ARMC9: variants seen among roughly 807,000 people sequenced by gnomAD.
ARMC9 encodes armadillo repeat containing 9, also known as lisH domain-containing protein ARMC9.
A neutral mutation model predicts 107.0 loss-of-function variants in ARMC9; 94 were observed. The ratio of observed to expected loss-of-function variants is 0.88; its 90% CI spans 0.74 to 1.04. The LOEUF is 1.04. ARMC9 is among the 50% of genes least tolerant of loss of function. The pLI is 0.00. For missense variants in ARMC9, 942 were observed against 1,030.1 expected (o/e 0.91, Z 1.17); for synonymous variants, 380 against 396.9 (o/e 0.96, Z 0.51).
At chr2:231,280,726 A>G (rs549467124) in intron 16 of ARMC9, among the ~76,000 whole-genome samples, 2 of 152,332 alleles carry the variant, frequency 1.3e-5, no homozygotes, top group African/African-American at 2.4e-5. Flanking sequence ...GTTGCATCAC[A>G]TGTGACAAAA....
At chr2:231,283,065 G>C (rs139382326) in intron 17 of ARMC9, among the ~76,000 whole-genome samples, 153 of 152,272 alleles carry the variant, frequency 1.0e-3, no homozygotes, top group African/African-American at 2.9e-3. Flanking sequence ...AGGGATGGAG[G>C]GGGTGGGGAG....
intron 8 of ARMC9, among the ~76,000 whole-genome samples, chr2:231,239,294 G>A (rs2036063599): frequency 1.3e-5 from 2 of 152,176 alleles, no homozygotes; most frequent in Non-Finnish European, 2.9e-5. Context: ...TCTCGTAGCT[G>A]GTGAGAGAGG....
At chr2:231,303,976 A>T (rs2125499178) in intron 19 of ARMC9, among the ~76,000 whole-genome samples, 1 of 151,788 alleles carries the variant, frequency 6.6e-6, no homozygotes, top group East Asian at 2.0e-4. Flanking sequence ...TCACGCCTGT[A>T]ATCTCAGCAC....
rs115969543 is a variant in ARMC9, at chr2:231,282,049, C to T, written c.1552-10C>T. On this transcript the variant is annotated splice_polypyrimidine_tract_variant and intron_variant, in intron 16 of 24. Transcript: ENST00000611582. ...CTTGCAAATAACTGGTTTTTTTCCT[C>T]CCCTTAAAGATACAGCCGTATGTGA... is the stretch of plus-strand genomic sequence containing the variant. The T allele has an allele frequency of 2.4e-3, 3,927 of 1,613,584 alleles. 10 individuals carry two copies. Among genetic ancestry groups the T allele is most frequent in the Non-Finnish European group, 2.9e-3 (3,432 of 1,179,636 alleles).
intron 9 of ARMC9, 128 bp from the exon 10 acceptor site, chr2:231,256,458 C>CA (rs2037825141): frequency 1.7e-6 from 2 of 1,210,612 alleles, no homozygotes; most frequent in South Asian, 1.4e-5. Flanking sequence ...AAAAAAAAAA[C>CA]CAAAAAAAAA....
At chr2:231,269,377 TAGG>T in intron 12 of ARMC9, among the ~76,000 whole-genome samples, 2 of 151,422 alleles carry the variant, frequency 1.3e-5, no homozygotes, top group Admixed American at 1.3e-4. Flanking sequence ...TTCCACTCTT[TAGG>T]AGATTTCTTT....
intron 19 of ARMC9, among the ~76,000 whole-genome samples, chr2:231,324,452 A>AT (rs1480533344): frequency 1.4e-3 from 193 of 142,684 alleles, no homozygotes; most frequent in African/African-American, 5.0e-3. Context: ...CTTTGTTTTA[A>AT]TTAAAAAAAA....
At chr2:231,326,970 C>T (rs1172151558) in intron 19 of ARMC9, among the ~76,000 whole-genome samples, 3 of 152,134 alleles carry the variant, frequency 2.0e-5, no homozygotes, top group African/African-American at 7.2e-5. Context: ...GAGATGATGG[C>T]CTGCCCTCCC....
intron 15 of ARMC9, among the ~76,000 whole-genome samples, chr2:231,277,111 C>T (rs555124570): frequency 6.6e-6 from 1 of 152,248 alleles, no homozygotes; most frequent in Non-Finnish European, 1.5e-5. Flanking sequence ...TCCCAAGATA[C>T]TATAGGATTA....
chr2:231,221,637 TG>T lies in ARMC9; in HGVS notation c.505-1089del, dbSNP rs1351657672. 4.0e-5 allele frequency among the ~76,000 whole-genome samples: 6 copies of T among 149,856 alleles called. No homozygotes were observed. In the East Asian group the frequency reaches 1.2e-3, roughly 29 times the overall value. On this transcript the variant is annotated intron_variant, in intron 5 of 24. Coordinates refer to ENST00000611582, the MANE Select transcript of ARMC9 (RefSeq NM_001352754.2). ...TGAGGTCAGGAGTTCGAGACCAGCC[TG>T]GCCAACATGGTGAAACCCCGTCTCT...
Position 231,302,437 on chromosome 2 carries a change from GTTTTTTTT to G in ARMC9, c.1773+6202_1773+6209del, listed in dbSNP as rs56032700. Among the ~76,000 whole-genome samples, 15 of 58,102 alleles carry G rather than the reference GTTTTTTTT, an allele frequency of 2.6e-4. 1 individual carries two copies. The East Asian group carries it at 7.8e-3, about 30-fold the overall frequency. The allele number at this position is 58,102 out of a possible 152,430, so 38.1% of individuals were successfully genotyped here. A position where few individuals can be genotyped will look rare whatever the true frequency, so the allele number is the denominator to read the frequency against. On this transcript the variant is annotated intron_variant, in intron 19 of 24. Transcript: ENST00000611582. ...TGAAAAAGTGTAGCATTGTGGGTTTGTTTTTTTTTTTTTTTTTTTTTTTTTGCCAATCT... is the reference window on the plus strand; with the variant it reads ...TGAAAAAGTGTAGCATTGTGGGTTTGTTTTTTTTTTTTTTTTTGCCAATCT...
intron 6 of ARMC9, 33 bp downstream of exon 6, chr2:231,222,853 G>T: frequency 7.1e-7 from 1 of 1,410,070 alleles, no homozygotes; most frequent in Non-Finnish European, 9.9e-7. Context: ...GACCACCTAT[G>T]GTTTTAGAGC....
chr2:231,351,204 C>T lies in ARMC9; in HGVS notation c.1995-4594C>T, dbSNP rs1404492390. Among the ~76,000 whole-genome samples, 4 of 149,894 alleles carry T rather than the reference C, an allele frequency of 2.7e-5. No homozygotes were observed. The East Asian group carries it at 5.9e-4, about 22-fold the overall frequency. On this transcript the variant is annotated intron_variant, in intron 21 of 24. Transcript: ENST00000611582. ...TCCTGACCTCGTGATCCGCCTGTCT[C>T]GGCCTCCCAAAGTGCTGGGATTACA...
intron 19 of ARMC9, among the ~76,000 whole-genome samples, chr2:231,300,714 CCA>C (rs765286349): frequency 6.6e-6 from 1 of 152,200 alleles, no homozygotes; most frequent in Non-Finnish European, 1.5e-5. Context: ...ATGCTCCTAA[CCA>C]CTGCCCTATA....
At position 231,345,015 on chromosome 2, in the gene ARMC9, C is replaced by G. The variant is rs2044733954; in HGVS notation, c.1919C>G (p.Ala640Gly). ...GGGAAGACAAGGCGGAAGGGGCTGG[C>G]TAATGTGCAGTGGAGCGGGGATGAG... is the stretch of plus-strand genomic sequence containing the variant. ...NTGKTRRKGL[A>G]NVQWSGDEPL... Residue 640 changes from alanine (A) to glycine (G), a missense_variant, in exon 21 of 25, where the codon GCT becomes GGT. Physicochemically the swap from Ala to Gly is moderately conservative, Grantham distance 60. Coordinates refer to ENST00000611582, the MANE Select transcript of ARMC9 (RefSeq NM_001352754.2). 6.2e-7 allele frequency: 1 copy of G among 1,613,960 alleles called. No homozygotes were observed. The highest frequency in any genetic ancestry group is 1.1e-5 in the South Asian group (1 of 91,064).
At position 231,239,208 on chromosome 2, in the gene ARMC9, A is replaced by G. The variant is rs114407342; in HGVS notation, c.781-735A>G. ...TACTTGTACATTGAAATGAGCATAC[A>G]TTATTTTTTTAAAAAGAAAATAGAT... On this transcript the variant is annotated intron_variant, in intron 8 of 24. Coordinates refer to ENST00000611582, the MANE Select transcript of ARMC9 (RefSeq NM_001352754.2). Among the ~76,000 whole-genome samples the G allele has an allele frequency of 9.2e-3, 1,395 of 152,250 alleles. 18 individuals are homozygous for G. The highest frequency in any genetic ancestry group is 0.032 in the African/African-American group (1,345 of 41,550).
intron 4 of ARMC9, among the ~76,000 whole-genome samples, chr2:231,215,918 G>T (rs1362687859): frequency 6.6e-6 from 1 of 152,150 alleles, no homozygotes; most frequent in African/African-American, 2.4e-5. Context: ...GTCAAAAGAG[G>T]GCTCATGGTA....
chr2:231,298,017 C>T (rs1325331287), intron 19 of ARMC9, among the ~76,000 whole-genome samples: 1 of 152,110 alleles, frequency 6.6e-6, no homozygotes, highest in African/African-American at 2.4e-5. Context: ...ATGATGAGAA[C>T]TCAATTTCTG....
chr2:231,244,555 A>G (rs960946760), intron 9 of ARMC9, among the ~76,000 whole-genome samples: 8 of 151,930 alleles, frequency 5.3e-5, no homozygotes, highest in Admixed American at 2.6e-4. Context: ...ATTTTTGTAG[A>G]GATGAGGTCT....
Sources: allele counts gnomAD v4.1 joint callset (sites outside exome capture counted in the v4.1 genomes callset), GRCh38; gene constraint gnomAD v4.1.1; transcripts MANE v1.5; gene names NCBI Gene and HGNC (gene_info 2026-07-23, HGNC 2026-07-21).